PITPNC1: variants seen among roughly 807,000 people sequenced by gnomAD.
PITPNC1 encodes the protein phosphatidylinositol transfer protein cytoplasmic 1.
Under a neutral mutation model 44.7 loss-of-function variants are expected in PITPNC1, and 18 were observed. The observed-to-expected ratio is 0.40, with a 90% confidence interval of 0.28 to 0.60. The LOEUF (loss-of-function observed/expected upper bound fraction) is 0.60. Ranked by LOEUF, PITPNC1 falls within the 20% of genes least tolerant of loss-of-function variation. The pLI is 0.39. For synonymous variants in PITPNC1, 141 were observed against 149.6 expected, an observed-to-expected ratio of 0.94 and a Z score of 0.42; for missense variants, 290 against 418.4, an observed-to-expected ratio of 0.69 and a Z score of 2.68.
At chr17:67,686,374 T>C (rs2042816007) in intron 8 of PITPNC1, among the ~76,000 whole-genome samples, 1 of 151,670 alleles carries the variant, frequency 6.6e-6, no homozygotes, top group South Asian at 2.1e-4. Context: ...CCTGAAATAC[T>C]GAAAAACTGC....
intron 5 of PITPNC1, among the ~76,000 whole-genome samples, chr17:67,579,614 ATTTTTTTT>A (rs558310588): frequency 3.4e-5 from 3 of 88,788 alleles, no homozygotes; most frequent in African/African-American, 9.5e-5. Flanking sequence ...TAAAATAGTG[ATTTTTTTT>A]TTTTTTTTTT....
intron 1 of PITPNC1, among the ~76,000 whole-genome samples, chr17:67,383,189 G>T (rs1312113784): frequency 6.6e-6 from 1 of 151,900 alleles, no homozygotes; most frequent in South Asian, 2.1e-4. Context: ...TAGAGATGGG[G>T]TTTCACCATG....
At chr17:67,575,172 T>TA (rs1353528769) in intron 4 of PITPNC1, among the ~76,000 whole-genome samples, 2 of 151,738 alleles carry the variant, frequency 1.3e-5, no homozygotes, top group Non-Finnish European at 2.9e-5. Context: ...AATTATGGGA[T>TA]AAAAAATACA....
intron 1 of PITPNC1, among the ~76,000 whole-genome samples, chr17:67,438,042 T>G (rs557604217): frequency 4.2e-4 from 63 of 150,098 alleles, no homozygotes; most frequent in Admixed American, 1.7e-3. Flanking sequence ...CACTCCATCC[T>G]GGGCGGCAGA....
chr17:67,537,208 T>G (rs1000419004), intron 2 of PITPNC1, among the ~76,000 whole-genome samples: 1 of 152,170 alleles, frequency 6.6e-6, no homozygotes, highest in African/African-American at 2.4e-5. Flanking sequence ...CTATCCAACA[T>G]TATGTAAAGG....
intron 1 of PITPNC1, among the ~76,000 whole-genome samples, chr17:67,531,310 T>C (rs527618838): frequency 2.8e-4 from 43 of 152,356 alleles, no homozygotes; most frequent in African/African-American, 1.0e-3. Context: ...TTATCCCCAG[T>C]GCTGCCCACT....
At chr17:67,685,028 T>C (rs1025375171) in intron 8 of PITPNC1, among the ~76,000 whole-genome samples, 1 of 152,276 alleles carries the variant, frequency 6.6e-6, no homozygotes, top group Non-Finnish European at 1.5e-5. Flanking sequence ...TAATGACATA[T>C]GTGTAGAGAA....
intron 1 of PITPNC1, among the ~76,000 whole-genome samples, chr17:67,452,997 C>G (rs1385253612): frequency 6.6e-6 from 1 of 152,068 alleles, no homozygotes; most frequent in African/African-American, 2.4e-5. Flanking sequence ...CTTTGCATTT[C>G]CTGTACTCTT....
chr17:67,626,718 T>A (rs1567746692), intron 5 of PITPNC1, among the ~76,000 whole-genome samples: 1 of 151,218 alleles, frequency 6.6e-6, no homozygotes, highest in Non-Finnish European at 1.5e-5. Flanking sequence ...GTAGGACCCA[T>A]CAGCCCATAG....
At chr17:67,568,615 C>A (rs2144208042) in intron 4 of PITPNC1, among the ~76,000 whole-genome samples, 1 of 152,160 alleles carries the variant, frequency 6.6e-6, no homozygotes, top group East Asian at 1.9e-4. Context: ...CAGCCTCAAA[C>A]TCCTGGGCTC....
intron 1 of PITPNC1, among the ~76,000 whole-genome samples, chr17:67,479,911 G>A (rs939157942): frequency 6.6e-6 from 1 of 152,158 alleles, no homozygotes; most frequent in African/African-American, 2.4e-5. Context: ...GCTCACTGAT[G>A]AATAATTCAG....
chr17:67,570,667 T>C (rs1026298433), intron 4 of PITPNC1, among the ~76,000 whole-genome samples: 2 of 152,184 alleles, frequency 1.3e-5, no homozygotes, highest in African/African-American at 2.4e-5. Context: ...CTCCATTTGA[T>C]AGATGAGGAA....
chr17:67,667,686 C>A lies in PITPNC1; in HGVS notation c.463-1822C>A, dbSNP rs890234675. Among the ~76,000 whole-genome samples, 472 of 139,848 alleles carry A rather than the reference C, an allele frequency of 3.4e-3. 1 individual carries two copies. Among genetic ancestry groups the A allele is most frequent in the Admixed American group, 6.3e-3 (88 of 13,980 alleles). The allele number at this position is 139,848 out of a possible 152,430, so 91.7% of individuals were successfully genotyped here. A position where few individuals can be genotyped will look rare whatever the true frequency, so the allele number is the denominator to read the frequency against. ...GATTAAACTTAAAAAAAAAAAAAAA[C>A]CCTTGCTGGGCACAGTGGTTCATGC... is the stretch of plus-strand genomic sequence containing the variant. On this transcript the variant is annotated intron_variant, in intron 6 of 8. Transcript: ENST00000581322.
intron 6 of PITPNC1, among the ~76,000 whole-genome samples, chr17:67,666,535 T>C (rs1248670660): frequency 2.0e-5 from 3 of 152,308 alleles, no homozygotes; most frequent in Admixed American, 2.0e-4. Flanking sequence ...TTGTACCTCC[T>C]TCCTGCCAGG....
At chr17:67,402,692 A>G (rs916094339) in intron 1 of PITPNC1, among the ~76,000 whole-genome samples, 2 of 152,140 alleles carry the variant, frequency 1.3e-5, no homozygotes, top group African/African-American at 4.8e-5. Flanking sequence ...TTTGAGTTGG[A>G]GTCTCGCTTT....
chr17:67,563,461 G>GTTAAAGT (rs2040932315), intron 4 of PITPNC1, among the ~76,000 whole-genome samples: 1 of 152,134 alleles, frequency 6.6e-6, no homozygotes, highest in Non-Finnish European at 1.5e-5. Context: ...CTTGATGTTA[G>GTTAAAGT]GCCCGTTGTA....
intron 1 of PITPNC1, among the ~76,000 whole-genome samples, chr17:67,441,937 G>A (rs1023083526): frequency 2.6e-5 from 4 of 151,928 alleles, no homozygotes; most frequent in African/African-American, 7.2e-5. Flanking sequence ...CAGAAGAATA[G>A]GAGAATGGGA....
At chr17:67,690,050 G>A (rs962115051) in intron 8 of PITPNC1, among the ~76,000 whole-genome samples, 4 of 152,122 alleles carry the variant, frequency 2.6e-5, no homozygotes, top group Non-Finnish European at 5.9e-5. Flanking sequence ...TATATCCTTT[G>A]TAAAAACTTT....
chr17:67,482,053 C>T (rs1388578291), intron 1 of PITPNC1, among the ~76,000 whole-genome samples: 3 of 152,066 alleles, frequency 2.0e-5, no homozygotes, highest in Non-Finnish European at 4.4e-5. Flanking sequence ...GGTAGCGTGA[C>T]CTCCCCTTAC....
Sources: allele counts gnomAD v4.1 joint callset (sites outside exome capture counted in the v4.1 genomes callset), GRCh38; gene constraint gnomAD v4.1.1; transcripts MANE v1.5; gene names NCBI Gene and HGNC (gene_info 2026-07-23, HGNC 2026-07-21).